PPP1R3A: variants seen among roughly 807,000 people sequenced by gnomAD.
The protein encoded by PPP1R3A is RG1.
In PPP1R3A, 29 loss-of-function variants were observed where a neutral mutation model predicts 41.7. That is an observed-to-expected ratio of 0.70 (90% CI 0.52 to 0.95). The LOEUF (loss-of-function observed/expected upper bound fraction) is 0.95, where lower values mean the gene tolerates loss of function less well. Ranked by LOEUF, PPP1R3A falls within the 40% of genes least tolerant of loss-of-function variation. The pLI, the probability that PPP1R3A is intolerant of heterozygous loss-of-function variation, is 0.00. For synonymous variants in PPP1R3A, 485 were observed against 453.4 expected (o/e 1.07, Z -0.89); for missense variants, 1,352 against 1,292.4 (o/e 1.05, Z -0.71).
chr7:113,889,204 T>C (rs1796837251), intron 1 of PPP1R3A, among the ~76,000 whole-genome samples: 1 of 152,148 alleles, frequency 6.6e-6, no homozygotes. Flanking sequence ...CCTTAGATGA[T>C]AGACAGGTGG....
chr7:113,879,107 T>A lies in PPP1R3A; in HGVS notation c.1985A>T (p.Gln662Leu), dbSNP rs1330621008. ...TGTCTTATTCTCTCTTGATTTTCCC[T>A]GACTTTCCAGAACATTCCAACTTTG... ...HKQSWNVLESQGKSRENKTNI... is the reference protein window; with the variant it reads ...HKQSWNVLESLGKSRENKTNI... The change falls in exon 4 of 4, where the codon CAG becomes CTG. Residue 662 changes from glutamine to leucine, a missense_variant. Gln to Leu is a moderately radical substitution (Grantham distance 113). Transcript: ENST00000284601. 6.2e-7 allele frequency: 1 copy of A among 1,601,438 alleles called. No individual in the cohort carries two copies. Among genetic ancestry groups the A allele is most frequent in the Non-Finnish European group, 8.6e-7 (1 of 1,168,184 alleles).
chr7:113,916,606 G>C (rs576385327), intron 1 of PPP1R3A, among the ~76,000 whole-genome samples: 17 of 152,002 alleles, frequency 1.1e-4, no homozygotes, highest in Non-Finnish European at 2.5e-4. Context: ...TCTTTTATGA[G>C]CTTTTAGACA....
intron 3 of PPP1R3A, 88 bp from the exon 4 acceptor site, chr7:113,880,213 G>A: frequency 1.8e-6 from 2 of 1,140,710 alleles, no homozygotes; most frequent in Non-Finnish European, 1.2e-6. Flanking sequence ...AACTCGGCTA[G>A]TAATTATCTG....
chr7:113,881,163 C>A (rs1796686861), intron 3 of PPP1R3A, among the ~76,000 whole-genome samples: 3 of 152,036 alleles, frequency 2.0e-5, no homozygotes, highest in Admixed American at 6.6e-5. Context: ...AAAGTTGGAG[C>A]AAAGTAAATT....
chr7:113,878,053 T>A lies in PPP1R3A; in HGVS notation c.3039A>T (p.Leu1013Phe). 1 of 1,613,320 alleles carries A rather than the reference T, an allele frequency of 6.2e-7. No homozygotes were observed. Among genetic ancestry groups the A allele is most frequent in the African/African-American group, 1.3e-5 (1 of 74,954 alleles). ...SVEKSLGPMI[L>F]INKPLENMEE... is the part of the protein sequence containing the mutation. ...CCATATTCTCAAGAGGTTTGTTGAT[T>A]AAAATCATTGGCCCTAGAGATTTTT... is the stretch of plus-strand genomic sequence containing the variant. Residue 1013 changes from leucine (L) to phenylalanine (F), a missense_variant, in exon 4 of 4, where the codon TTA becomes TTT. Transcript: ENST00000284601.
intron 1 of PPP1R3A, among the ~76,000 whole-genome samples, chr7:113,915,537 G>GTATGTA: frequency 6.8e-6 from 1 of 146,540 alleles, no homozygotes; most frequent in East Asian, 2.0e-4. Context: ...ATATATATAT[G>GTATGTA]TATGTATATG....
At chr7:113,911,458 G>A (rs564787291) in intron 1 of PPP1R3A, among the ~76,000 whole-genome samples, 1 of 152,054 alleles carries the variant, frequency 6.6e-6, no homozygotes, top group East Asian at 1.9e-4. Flanking sequence ...TAGAAGAAGA[G>A]AATTATATAA....
In PPP1R3A at chr7:113,878,770, A is replaced by G; in HGVS notation, c.2322T>C (p.Asp774=). ...RPIEVKETAF[D]PHEGRNDDSH... is the part of the protein sequence containing the mutation. Reference sequence around the variant, plus strand: ...AATCATCATTTCTCCCTTCATGTGGATCAAACGCTGTTTCCTTTACCTCGA... The same window carrying G: ...AATCATCATTTCTCCCTTCATGTGGGTCAAACGCTGTTTCCTTTACCTCGA... The change falls in exon 4 of 4, where the codon GAT becomes GAC. Residue 774 remains aspartate (D), a synonymous_variant. Transcript: ENST00000284601. 1 of 1,613,518 alleles carries G rather than the reference A, an allele frequency of 6.2e-7. No homozygotes were observed. The highest frequency in any genetic ancestry group is 8.5e-7 in the Non-Finnish European group (1 of 1,179,706).
At chr7:113,892,863 G>A (rs1796916576) in intron 1 of PPP1R3A, among the ~76,000 whole-genome samples, 1 of 151,988 alleles carries the variant, frequency 6.6e-6, no homozygotes, top group South Asian at 2.1e-4. Context: ...CTGAATCTGG[G>A]GACTAATAAC....
chr7:113,913,410 A>C (rs1352211734), intron 1 of PPP1R3A, among the ~76,000 whole-genome samples: 1 of 152,076 alleles, frequency 6.6e-6, no homozygotes, highest in Non-Finnish European at 1.5e-5. Context: ...GTATTCTTAA[A>C]ATTATGTTTT....
At chr7:113,883,778 T>C (rs1796736391) in intron 1 of PPP1R3A, among the ~76,000 whole-genome samples, 1 of 152,004 alleles carries the variant, frequency 6.6e-6, no homozygotes, top group Admixed American at 6.6e-5. Context: ...ACTGAAAGTA[T>C]TATTTGTAGA....
intron 2 of PPP1R3A, 37 bp downstream of exon 2, chr7:113,882,225 A>G (rs1157454083): frequency 3.2e-6 from 5 of 1,581,124 alleles, no homozygotes; most frequent in South Asian, 1.1e-5. Context: ...TTCACAAAAG[A>G]GACAAATTTG....
chr7:113,879,768 C>G lies in PPP1R3A; in HGVS notation c.1324G>C (p.Ala442Pro). The change falls in exon 4 of 4, where the codon GCT becomes CCT. Residue 442 changes from alanine to proline, a missense_variant. Coordinates refer to ENST00000284601, the MANE Select transcript of PPP1R3A (RefSeq NM_002711.4). Reference sequence around the variant, plus strand: ...GTGCCATTGCCATGGGCTGGATTAGCATTATCATCCAGGACTTCTTTGCTG... The same window carrying G: ...GTGCCATTGCCATGGGCTGGATTAGGATTATCATCCAGGACTTCTTTGCTG... ...TGSKEVLDDN[A>P]NPAHGNGTVQ... 1 of 1,613,348 alleles carries G rather than the reference C, an allele frequency of 6.2e-7. No individual in the cohort carries two copies. The highest frequency in any genetic ancestry group is 8.5e-7 in the Non-Finnish European group (1 of 1,179,666).
At chr7:113,917,405 T>C (rs1491003352) in intron 1 of PPP1R3A, among the ~76,000 whole-genome samples, 1 of 152,050 alleles carries the variant, frequency 6.6e-6, no homozygotes, top group African/African-American at 2.4e-5. Context: ...GCCAGCTATG[T>C]ACTATCGAGA....
intron 3 of PPP1R3A, among the ~76,000 whole-genome samples, chr7:113,880,893 T>C (rs1344183850): frequency 6.6e-6 from 1 of 152,046 alleles, no homozygotes; most frequent in Non-Finnish European, 1.5e-5. Flanking sequence ...ATTATAGAGC[T>C]TCATTGTTTT....
chr7:113,886,083 G>T (rs567140003), intron 1 of PPP1R3A, among the ~76,000 whole-genome samples: 73 of 151,474 alleles, frequency 4.8e-4, no homozygotes, highest in African/African-American at 1.7e-3. Flanking sequence ...GTATGTCTCT[G>T]TGGTTTGTTA....
At chr7:113,913,266 C>T (rs755423941) in intron 1 of PPP1R3A, among the ~76,000 whole-genome samples, 1 of 152,032 alleles carries the variant, frequency 6.6e-6, no homozygotes, top group African/African-American at 2.4e-5. Flanking sequence ...ATACTGTATG[C>T]GTAAATTAAG....
chr7:113,902,090 GGAATCT>G (rs1797071013), intron 1 of PPP1R3A, among the ~76,000 whole-genome samples: 1 of 151,546 alleles, frequency 6.6e-6, no homozygotes, highest in Admixed American at 6.6e-5. Flanking sequence ...TCTTAATGTT[GGAATCT>G]CTGAGAACTC....
chr7:113,914,928 T>G (rs180768661), intron 1 of PPP1R3A, among the ~76,000 whole-genome samples: 1 of 152,254 alleles, frequency 6.6e-6, no homozygotes, highest in East Asian at 1.9e-4. Flanking sequence ...TTTAGCTTAT[T>G]TGTCTATGTA....
Sources: allele counts gnomAD v4.1 joint callset (sites outside exome capture counted in the v4.1 genomes callset), GRCh38; gene constraint gnomAD v4.1.1; transcripts MANE v1.5; gene names NCBI Gene and HGNC (gene_info 2026-07-23, HGNC 2026-07-21).